Variants in RIPOR2 observed in about 807,000 individuals in gnomAD.
RIPOR2 encodes the protein rho family-interacting cell polarization regulator 2.
RIPOR2 carries 39 observed loss-of-function variants against 114.5 expected under a neutral mutation model. The ratio of observed to expected loss-of-function variants is 0.34; its 90% confidence interval spans 0.26 to 0.44. The LOEUF is 0.44. Among genes scored for constraint, RIPOR2 ranks in the 20% least tolerant of loss-of-function variants. RIPOR2 has a pLI of 1.00. For synonymous variants in RIPOR2, 445 were observed against 484.4 expected (o/e 0.92, Z 1.07); for missense variants, 1,007 against 1,255.1 (o/e 0.80, Z 2.99).
rs77553791 is a variant in RIPOR2, at chr6:24,903,331, G to T, written c.62-27514C>A. Among the ~76,000 whole-genome samples the T allele has an allele frequency of 5.6e-3, 852 of 152,262 alleles. 6 individuals carry two copies. Among genetic ancestry groups the T allele is most frequent in the African/African-American group, 0.019 (791 of 41,550 alleles). ...ATCACATTCTCTATTGATTGAGAAA[G>T]CCACAGTTTTGAGGGGAGAGAACAT... On this transcript the variant is annotated intron_variant, in intron 1 of 21. Coordinates refer to ENST00000643898, the MANE Select transcript of RIPOR2 (RefSeq NM_001286445.3).
chr6:24,926,864 TCAG>T (rs1770890563), intron 1 of RIPOR2, among the ~76,000 whole-genome samples: 3 of 151,766 alleles, frequency 2.0e-5, no homozygotes, highest in Non-Finnish European at 2.9e-5. Flanking sequence ...AACATCATCA[TCAG>T]CAGCAGCATC....
At chr6:25,031,667 G>A (rs1459744874) in intron 1 of RIPOR2, among the ~76,000 whole-genome samples, 1 of 113,268 alleles carries the variant, frequency 8.8e-6, no homozygotes, top group Non-Finnish European at 1.7e-5. Context: ...TGATAGATAG[G>A]TATATGGTTA....
chr6:25,032,122 G>GACTCACTTACATGAATTT (rs1777015609), intron 1 of RIPOR2, among the ~76,000 whole-genome samples: 2 of 150,912 alleles, frequency 1.3e-5, no homozygotes, highest in African/African-American at 4.9e-5. Flanking sequence ...GTTCTTTGCC[G>GACTCACTTACATGAATTT]ACTCACTTAC....
chr6:24,963,531 G>T (rs548710331), intron 1 of RIPOR2, among the ~76,000 whole-genome samples: 3 of 152,132 alleles, frequency 2.0e-5, no homozygotes, highest in Non-Finnish European at 2.9e-5. Context: ...TTCATGAAAT[G>T]GACACATATA....
rs533584826 is a variant in RIPOR2 at position 24,986,105 on chromosome 6, T to A, written c.76+55746A>T. Among the ~76,000 whole-genome samples the A allele has an allele frequency of 1.8e-3, 271 of 152,354 alleles. 3 individuals carry two copies. The highest frequency in any genetic ancestry group is 6.8e-3 in the Middle Eastern group (2 of 294). Reference sequence around the variant, plus strand: ...GATTAATACTGTGTGTTGTGTGATATTAGTTGATATTTTCCTGAGTGTTTA... The same window carrying A: ...GATTAATACTGTGTGTTGTGTGATAATAGTTGATATTTTCCTGAGTGTTTA... On this transcript the variant is annotated intron_variant, in intron 1 of 13. Coordinates refer to the RIPOR2 transcript ENST00000510784.
Position 24,883,827 on chromosome 6 carries a change from A to G in RIPOR2, c.62-8010T>C, listed in dbSNP as rs952252497. ...ACTGCACTTTCTGAGTCATTTCTTCATGCCCGATTTGGGTTCTTCCTTTCT... is the reference window on the plus strand; with the variant it reads ...ACTGCACTTTCTGAGTCATTTCTTCGTGCCCGATTTGGGTTCTTCCTTTCT... On this transcript the variant is annotated intron_variant, in intron 1 of 21. Transcript: ENST00000643898. The surrounding 1 kb of genome is among the most constrained non-coding windows in gnomAD (Gnocchi z 4.1). Among the ~76,000 whole-genome samples, 2 of 152,200 alleles carry G rather than the reference A, an allele frequency of 1.3e-5. No individual in the cohort carries two copies. Among genetic ancestry groups the G allele is most frequent in the East Asian group, 1.9e-4 (1 of 5,198 alleles).
intron 17 of RIPOR2, among the ~76,000 whole-genome samples, chr6:24,830,160 T>A (rs945758184): frequency 5.3e-5 from 8 of 152,032 alleles, no homozygotes; most frequent in Admixed American, 2.6e-4. Context: ...GAGATGGAGT[T>A]TTGTCATGTT....
At position 24,809,833 on chromosome 6, in the gene RIPOR2, G is replaced by A. The variant is rs372188582; in HGVS notation, c.2953-26C>T. On this transcript the variant is annotated intron_variant, in intron 20 of 21. Transcript: ENST00000643898. ...CTATGGGGGAAAAATAGGTTAAATC[G>A]TGTTTTGACATTTAGGTCTAGAGTA... is the stretch of plus-strand genomic sequence containing the variant. 2.9e-5 allele frequency: 41 copies of A among 1,432,270 alleles called. No individual in the cohort carries two copies. In the African/African-American group the frequency reaches 4.0e-4, roughly 14 times the overall value. The allele number at this position is 1,432,270 out of a possible 1,614,324, so 88.7% of individuals were successfully genotyped here. A position where few individuals can be genotyped will look rare whatever the true frequency, so the allele number is the denominator to read the frequency against.
rs371871484 is a variant in RIPOR2 at position 24,852,628 on chromosome 6, A to G, written c.716-10T>C. ...GCAAAGCCAGCCAGACCTGTAACCA[A>G]GAAATTGGAAGGTGAGGTGTAGAAC... On this transcript the variant is annotated splice_polypyrimidine_tract_variant and intron_variant, in intron 8 of 21. Transcript: ENST00000643898. The G allele has an allele frequency of 1.3e-6, 2 of 1,584,078 alleles. No homozygotes were observed. Among genetic ancestry groups the G allele is most frequent in the African/African-American group, 1.4e-5 (1 of 72,904 alleles).
intron 19 of RIPOR2, among the ~76,000 whole-genome samples, chr6:24,821,498 T>A (rs560725865): frequency 1.3e-5 from 2 of 152,316 alleles, no homozygotes; most frequent in East Asian, 3.9e-4. Context: ...GGCTTAACAC[T>A]CTTAAAGTTT....
intron 1 of RIPOR2, among the ~76,000 whole-genome samples, chr6:24,914,714 A>C (rs1245861419): frequency 6.6e-6 from 1 of 152,236 alleles, no homozygotes; most frequent in Non-Finnish European, 1.5e-5. Flanking sequence ...AACAAGTCTT[A>C]TGGTTCTTAC....
rs1021569893 is a variant in RIPOR2 at position 24,988,861 on chromosome 6, C to T, written c.76+52990G>A. 2.6e-5 allele frequency among the ~76,000 whole-genome samples: 4 copies of T among 152,204 alleles called. No individual in the cohort carries two copies. In the South Asian group the frequency reaches 8.3e-4, roughly 32 times the overall value. On this transcript the variant is annotated intron_variant, in intron 1 of 13. Coordinates refer to the RIPOR2 transcript ENST00000510784. ...ATCTATGGCTGCTTTCACACTACAGCAGCAGAATTGAGTGGTTGGAACAGA... is the reference window on the plus strand; with the variant it reads ...ATCTATGGCTGCTTTCACACTACAGTAGCAGAATTGAGTGGTTGGAACAGA...
intron 1 of RIPOR2, among the ~76,000 whole-genome samples, chr6:25,003,674 G>A (rs1775419447): frequency 2.0e-5 from 3 of 151,970 alleles, no homozygotes; most frequent in Admixed American, 1.3e-4. Context: ...CAAGCTATCT[G>A]CCCACCTTGG....
chr6:24,967,394 C>T (rs1773574200), intron 1 of RIPOR2, among the ~76,000 whole-genome samples: 1 of 152,190 alleles, frequency 6.6e-6, no homozygotes, highest in South Asian at 2.1e-4. Context: ...CTACTGCCAC[C>T]ATGCACAGAA....
intron 1 of RIPOR2, among the ~76,000 whole-genome samples, chr6:24,891,912 G>T (rs1767402857): frequency 6.6e-6 from 1 of 152,148 alleles, no homozygotes; most frequent in African/African-American, 2.4e-5. Context: ...AGGCTGAAGT[G>T]CAGTGATGTG....
intron 1 of RIPOR2, among the ~76,000 whole-genome samples, chr6:25,032,036 C>G (rs1777009252): frequency 6.6e-6 from 1 of 151,728 alleles, no homozygotes. Flanking sequence ...CAAGAGTACT[C>G]TCCCTCTCCC....
At chr6:24,898,638 T>G (rs1435888731) in intron 1 of RIPOR2, 1 of 152,206 alleles carries the variant, frequency 6.6e-6, no homozygotes, top group Non-Finnish European at 1.5e-5. Flanking sequence ...TTCACTGCAA[T>G]GAACTAGCTC....
At position 25,032,112 on chromosome 6, in the gene RIPOR2, G is replaced by A. The variant is rs542153423; in HGVS notation, c.76+9739C>T. ...AGAGGGGAAGAGCTGAGCTCTTGGG[G>A]TTCTTTGCCGACTCACTTACATGAA... On this transcript the variant is annotated intron_variant, in intron 1 of 13. Transcript: ENST00000510784. Among the ~76,000 whole-genome samples, 6 of 151,116 alleles carry A rather than the reference G, an allele frequency of 4.0e-5. No homozygotes were observed. In the South Asian group the frequency reaches 1.3e-3, roughly 32 times the overall value.
Position 24,828,105 on chromosome 6 carries a change from C to T in RIPOR2, c.2665+32G>A, listed in dbSNP as rs376949906. On this transcript the variant is annotated intron_variant, in intron 18 of 21. Coordinates refer to ENST00000643898, the MANE Select transcript of RIPOR2 (RefSeq NM_001286445.3). ...GCAGAGATAACGCCAAATTGAGCCA[C>T]CACTACAATGTGACAAAAGAACATG... 1.4e-4 allele frequency: 217 copies of T among 1,502,954 alleles called. No homozygotes were observed. The African/African-American group carries it at 2.5e-3, about 17-fold the overall frequency. 93.1% of individuals were successfully genotyped at this position (1,502,954 alleles called of 1,614,324 possible). A position where few individuals can be genotyped will look rare whatever the true frequency, so the allele number is the denominator to read the frequency against.
Sources: gnomAD v4.1 joint callset for allele counts (sites outside exome capture counted in the v4.1 genomes callset) on GRCh38, gnomAD v4.1.1 for gene constraint, Gnocchi (gnomAD v3.1) non-coding constraint, MANE v1.5 for transcripts, NCBI Gene and HGNC (gene_info 2026-07-23, HGNC 2026-07-21) for gene names.